PTCD3: variants seen among roughly 807,000 people sequenced by gnomAD.
PTCD3 encodes pentatricopeptide repeat domain 3.
In PTCD3, 89 loss-of-function variants were observed where a neutral mutation model predicts 101.9. The ratio of observed to expected loss-of-function variants is 0.87; its 90% confidence interval spans 0.74 to 1.04. The LOEUF (loss-of-function observed/expected upper bound fraction) is 1.04. PTCD3 is among the 50% of genes least tolerant of loss of function. The pLI, the probability that PTCD3 is intolerant of heterozygous loss-of-function variation, is 0.00. For missense variants in PTCD3, 870 were observed against 828.2 expected, an observed-to-expected ratio of 1.05 and a Z score of -0.62; for synonymous variants, 296 against 278.5, an observed-to-expected ratio of 1.06 and a Z score of -0.63.
Position 86,137,450 on chromosome 2 carries a change from C to T in PTCD3, c.1980-19C>T, listed in dbSNP as rs1674607583. Reference sequence around the variant, plus strand: ...CCAGTTGAATTGCAGTGTAATCCTCCATTTTCTTTTCTTAACAGGGAAGCC... The same window carrying T: ...CCAGTTGAATTGCAGTGTAATCCTCTATTTTCTTTTCTTAACAGGGAAGCC... On this transcript the variant is annotated intron_variant, in intron 23 of 23. Coordinates refer to ENST00000254630, the MANE Select transcript of PTCD3 (RefSeq NM_017952.6). 6.2e-7 allele frequency: 1 copy of T among 1,613,084 alleles called. No homozygotes were observed.
rs749650341 is a variant in PTCD3, at chr2:86,123,761, C to T, written c.715C>T (p.Arg239Ter). 5.0e-6 allele frequency: 8 copies of T among 1,593,790 alleles called. No homozygotes were observed. The Admixed American group carries it at 5.3e-5, about 11-fold the overall frequency. Residue 239 changes from arginine to a stop codon, truncating the protein, a stop_gained and splice_region_variant, in exon 9 of 24, where the codon CGA becomes TGA. Coordinates refer to ENST00000254630, the MANE Select transcript of PTCD3 (RefSeq NM_017952.6). LOFTEE classifies it high-confidence loss of function. ...KAGHQFGVTW[R>*]AKNNAERIFS... ...TGGTCATCAGTTTGGAGTTACATGG[C>T]GGTATGTCACACGTAATTAGAACCT... is the stretch of plus-strand genomic sequence containing the variant.
intron 19 of PTCD3, 142 bp from the exon 20 acceptor site, chr2:86,134,150 G>A: frequency 1.6e-6 from 1 of 614,092 alleles, no homozygotes; most frequent in Non-Finnish European, 2.9e-6. Context: ...TGTGAATCCT[G>A]GTGGGTTTCT....
At chr2:86,111,203 T>A (rs749492180) in intron 4 of PTCD3, 45 bp downstream of exon 4, 2 of 1,501,658 alleles carry the variant, frequency 1.3e-6, no homozygotes, top group South Asian at 1.1e-5. Flanking sequence ...ACTTGGCTAA[T>A]AACACACTTT....
chr2:86,128,127 C>A, intron 14 of PTCD3, 136 bp downstream of exon 14: 1 of 771,954 alleles, frequency 1.3e-6, no homozygotes, highest in South Asian at 1.7e-5. Context: ...CCTGTACAGC[C>A]TGAGCAGAAA....
intron 8 of PTCD3, among the ~76,000 whole-genome samples, chr2:86,122,747 T>C (rs7592378): frequency 0.03 from 4,509 of 152,288 alleles, 199 homozygotes; most frequent in African/African-American, 0.099. Flanking sequence ...CTTTACATTT[T>C]TAAAAGTGCA....
intron 3 of PTCD3, among the ~76,000 whole-genome samples, chr2:86,109,361 C>T (rs1330820423): frequency 4.0e-5 from 6 of 150,082 alleles, no homozygotes; most frequent in Admixed American, 2.7e-4. Context: ...GAGCCGAGGT[C>T]GCGCCACTGC....
In PTCD3 at chr2:86,108,337, TG is replaced by T. The variant is rs759281795; in HGVS notation, c.105-12del. Reference sequence around the variant, plus strand: ...TAATGACTATTAGATTTAAGGCTTTTGTTTTTTTGCAGATTTTATTCTGGTA... The same window carrying T: ...TAATGACTATTAGATTTAAGGCTTTTTTTTTTTGCAGATTTTATTCTGGTA... On this transcript the variant is annotated splice_polypyrimidine_tract_variant and intron_variant, in intron 1 of 23. Coordinates refer to ENST00000254630, the MANE Select transcript of PTCD3 (RefSeq NM_017952.6). 8.1e-6 allele frequency: 13 copies of T among 1,607,266 alleles called. No homozygotes were observed. Among genetic ancestry groups the T allele is most frequent in the African/African-American group, 2.7e-5 (2 of 74,382 alleles).
At chr2:86,120,924 G>A (rs1187377553) in intron 7 of PTCD3, among the ~76,000 whole-genome samples, 2 of 152,164 alleles carry the variant, frequency 1.3e-5, no homozygotes, top group African/African-American at 4.8e-5. Context: ...TTTCTTATAA[G>A]ATAGCAGATT....
At chr2:86,116,793 C>T (rs1674186076) in intron 5 of PTCD3, among the ~76,000 whole-genome samples, 195 bp downstream of exon 5, 1 of 152,140 alleles carries the variant, frequency 6.6e-6, no homozygotes, top group South Asian at 2.1e-4. Context: ...GTTTTGGTTT[C>T]TAATACTTAG....
At chr2:86,133,084 T>C in intron 17 of PTCD3, 94 bp from the exon 18 acceptor site, 1 of 1,479,916 alleles carries the variant, frequency 6.8e-7, no homozygotes, top group Non-Finnish European at 9.0e-7. Context: ...TGAAATTCTT[T>C]GTAACATATA....
At chr2:86,122,099 A>G (rs919681220) in intron 8 of PTCD3, among the ~76,000 whole-genome samples, 1 of 152,194 alleles carries the variant, frequency 6.6e-6, no homozygotes, top group Non-Finnish European at 1.5e-5. Context: ...AGAGATGCTC[A>G]TGTGACATTT....
intron 7 of PTCD3, among the ~76,000 whole-genome samples, chr2:86,120,390 A>G (rs1031829159): frequency 6.6e-6 from 1 of 152,178 alleles, no homozygotes; most frequent in African/African-American, 2.4e-5. Flanking sequence ...GCCATTTCAC[A>G]TACTTAATTC....
At chr2:86,129,375 A>G (rs2104458881) in intron 14 of PTCD3, among the ~76,000 whole-genome samples, 1 of 152,334 alleles carries the variant, frequency 6.6e-6, no homozygotes, top group Admixed American at 6.5e-5. Flanking sequence ...CTGCAGCAGT[A>G]GTTTTGGCTT....
intron 3 of PTCD3, among the ~76,000 whole-genome samples, chr2:86,110,622 G>A (rs1200510409): frequency 1.3e-5 from 2 of 152,176 alleles, no homozygotes; most frequent in Non-Finnish European, 2.9e-5. Flanking sequence ...TAAACCAGGA[G>A]GTTGCATCAG....
intron 14 of PTCD3, among the ~76,000 whole-genome samples, chr2:86,128,949 T>G (rs1674446944): frequency 6.6e-6 from 1 of 152,230 alleles, no homozygotes. Context: ...GAAATAACCC[T>G]TGAGTTCAGA....
chr2:86,130,570 G>T, intron 14 of PTCD3, 78 bp from the exon 15 acceptor site: 2 of 1,531,428 alleles, frequency 1.3e-6, no homozygotes, highest in Non-Finnish European at 1.8e-6. Flanking sequence ...GGAGAAATGT[G>T]TCCCTTTGTA....
rs1674373190 is a variant in PTCD3 at position 86,125,819 on chromosome 2, T to G, written c.890T>G (p.Leu297Trp). The G allele has an allele frequency of 6.2e-7, 1 of 1,608,888 alleles. No homozygotes were observed. The highest frequency in any genetic ancestry group is 1.7e-5 in the Admixed American group (1 of 59,920). Residue 297 changes from leucine (L) to tryptophan (W), a missense_variant, in exon 12 of 24, where the codon TTG becomes TGG. By Grantham distance (61) the Leu-to-Trp change is moderately conservative. Transcript: ENST00000254630. ...GCTGATGTATACACATTTAATGCAT[T>G]GATTGAAGCAACAGTATGTGCGATA... is the stretch of plus-strand genomic sequence containing the variant. ...LHADVYTFNALIEATVCAINE... is the reference protein window; with the variant it reads ...LHADVYTFNAWIEATVCAINE...
In PTCD3 at chr2:86,117,142, G is replaced by C; in HGVS notation, c.397G>C (p.Ala133Pro). Residue 133 changes from alanine to proline, a missense_variant, in exon 6 of 24, where the codon GCT (alanine) becomes CCT (proline). By Grantham distance (27) the Ala-to-Pro change is conservative (BLOSUM62 -1). Transcript: ENST00000254630. ...SYPKYFQKDIAEPHIPCLMPE... is the reference protein window; with the variant it reads ...SYPKYFQKDIPEPHIPCLMPE... Reference sequence around the variant, plus strand: ...CCCCAAATATTTTCAGAAGGACATAGCTGAACCTCATATACCGGTAAGGAG... The same window carrying C: ...CCCCAAATATTTTCAGAAGGACATACCTGAACCTCATATACCGGTAAGGAG... 7.8e-7 allele frequency: 1 copy of C among 1,281,482 alleles called. No homozygotes were observed. Among genetic ancestry groups the C allele is most frequent in the Non-Finnish European group, 1.1e-6 (1 of 877,134 alleles). 79.4% of individuals were successfully genotyped at this position (1,281,482 alleles called of 1,614,324 possible).
intron 3 of PTCD3, chr2:86,110,912 A>G: frequency 5.4e-6 from 4 of 741,158 alleles, no homozygotes; most frequent in Non-Finnish European, 1.0e-5. Context: ...AGGACAGGCA[A>G]AGAGAGGAAC....
Sources: gnomAD v4.1 joint callset for allele counts (sites outside exome capture counted in the v4.1 genomes callset) on GRCh38, gnomAD v4.1.1 for gene constraint, MANE v1.5 for transcripts, NCBI Gene and HGNC (gene_info 2026-07-23, HGNC 2026-07-21) for gene names.